The following DNAH14 variants were observed in gnomAD, a reference collection of about 807,000 sequenced individuals.
The protein encoded by DNAH14 is axonemal beta dynein heavy chain 14.
In DNAH14, 478 loss-of-function variants were observed where a neutral mutation model predicts 520.9. The observed-to-expected ratio is 0.92, with a 90% confidence interval of 0.85 to 0.99. The LOEUF (loss-of-function observed/expected upper bound fraction) is 0.99. Ranked by LOEUF, DNAH14 falls within the 50% of genes least tolerant of loss-of-function variation. The pLI is 0.00. For synonymous variants in DNAH14, 1,581 were observed against 1,757.2 expected (o/e 0.90, Z 2.51); for missense variants, 4,831 against 5,234.5 (o/e 0.92, Z 2.38).
intron 17 of DNAH14, among the ~76,000 whole-genome samples, chr1:225,059,019 A>G (rs2148389820): frequency 6.6e-6 from 1 of 152,184 alleles, no homozygotes; most frequent in East Asian, 1.9e-4. Flanking sequence ...TGAGGTGGAG[A>G]GTTCTGTAGA....
intron 27 of DNAH14, among the ~76,000 whole-genome samples, chr1:225,137,340 T>G (rs1186296409): frequency 1.3e-5 from 2 of 151,878 alleles, no homozygotes; most frequent in Non-Finnish European, 2.9e-5. Context: ...TTGTTGATGT[T>G]GTTGTTGTTT....
At chr1:225,373,431 C>T (rs941066629) in intron 77 of DNAH14, among the ~76,000 whole-genome samples, 1 of 150,186 alleles carries the variant, frequency 6.7e-6, no homozygotes, top group Non-Finnish European at 1.5e-5. Flanking sequence ...CGCCACTGCA[C>T]TCCAGCTGGG....
intron 54 of DNAH14, among the ~76,000 whole-genome samples, chr1:225,282,498 A>G (rs1413593736): frequency 3.9e-5 from 6 of 152,254 alleles, no homozygotes; most frequent in African/African-American, 4.8e-5. Flanking sequence ...CGAGGCAAGT[A>G]TTCAATGTTA....
intron 8 of DNAH14, among the ~76,000 whole-genome samples, chr1:224,990,813 G>A (rs554640793): frequency 6.6e-6 from 1 of 152,250 alleles, no homozygotes; most frequent in East Asian, 1.9e-4. Flanking sequence ...TAAATATTTA[G>A]AAGTGGGATT....
chr1:225,087,121 C>T (rs2073908006), intron 21 of DNAH14, among the ~76,000 whole-genome samples: 1 of 152,102 alleles, frequency 6.6e-6, no homozygotes, highest in Non-Finnish European at 1.5e-5. Context: ...AACAATACCA[C>T]ACACTGGATG....
At chr1:225,101,460 C>T (rs2075448202) in intron 23 of DNAH14, among the ~76,000 whole-genome samples, 1 of 152,072 alleles carries the variant, frequency 6.6e-6, no homozygotes, top group Admixed American at 6.6e-5. Context: ...CTTATTCATT[C>T]TGTTTTTTGT....
chr1:225,335,294 T>C (rs767397627), intron 66 of DNAH14, among the ~76,000 whole-genome samples: 4,036 of 104,880 alleles, frequency 0.038, 453 homozygotes, highest in East Asian at 0.098. Flanking sequence ...TATGCACATA[T>C]ACACATGTGT....
intron 27 of DNAH14, among the ~76,000 whole-genome samples, chr1:225,123,902 A>G (rs942658460): frequency 2.6e-5 from 4 of 151,922 alleles, no homozygotes; most frequent in African/African-American, 9.7e-5. Flanking sequence ...ACAGGTGTGC[A>G]CCACCATGCC....
chr1:225,192,167 C>G (rs1294900623), intron 37 of DNAH14, among the ~76,000 whole-genome samples: 2 of 152,074 alleles, frequency 1.3e-5, no homozygotes, highest in African/African-American at 4.8e-5. Context: ...CTTATATGGT[C>G]TGTCATATGT....
chr1:225,216,550 G>A (rs2089359645), intron 41 of DNAH14, among the ~76,000 whole-genome samples: 1 of 152,128 alleles, frequency 6.6e-6, no homozygotes, highest in Non-Finnish European at 1.5e-5. Flanking sequence ...CGTAGATTTG[G>A]TCTTTTCACA....
At chr1:225,162,984 A>T (rs2081664730) in intron 35 of DNAH14, among the ~76,000 whole-genome samples, 1 of 151,894 alleles carries the variant, frequency 6.6e-6, no homozygotes, top group Non-Finnish European at 1.5e-5. Context: ...TAAAAATACA[A>T]AAAATTAGCG....
At chr1:225,187,544 G>GTTTAGC (rs2084907821) in intron 37 of DNAH14, among the ~76,000 whole-genome samples, 1 of 151,776 alleles carries the variant, frequency 6.6e-6, no homozygotes, top group African/African-American at 2.4e-5. Flanking sequence ...GTAATTCTGT[G>GTTTAGC]TTTAGCTTTT....
At chr1:225,008,286 G>A (rs113768582) in intron 10 of DNAH14, among the ~76,000 whole-genome samples, 8,375 of 152,106 alleles carry the variant, frequency 0.055, 474 homozygotes, top group East Asian at 0.24. Flanking sequence ...AGTATTCCAT[G>A]GTGTATATGT....
rs756877482 is a variant in DNAH14, at chr1:225,374,702, G to T, written c.12333G>T (p.Val4111=). The change falls in exon 78 of 86, where the codon GTG becomes GTT. Residue 4111 remains valine, a synonymous_variant. Coordinates refer to ENST00000682510, the MANE Select transcript of DNAH14 (RefSeq NM_001367479.1). ...GTTTTCCAAAGGTTGCCATTAAGGT[G>T]TTGGAAAATTCCCTGAGAGGACAGC... ...NSSDLGVAIK[V]LENSLRGQPS... is the part of the protein sequence containing the mutation. 7.7e-6 allele frequency: 12 copies of T among 1,548,798 alleles called. No individual in the cohort carries two copies. In the South Asian group the frequency reaches 1.2e-4, roughly 15 times the overall value.
intron 1 of DNAH14, among the ~76,000 whole-genome samples, chr1:224,932,826 A>G (rs1260533915): frequency 1.3e-5 from 2 of 152,100 alleles, no homozygotes. Flanking sequence ...AGTTTGGGTT[A>G]TTATAGCTTT....
chr1:225,080,358 A>C, intron 18 of DNAH14, 21 bp from the exon 19 acceptor site: 1 of 1,494,618 alleles, frequency 6.7e-7, no homozygotes, highest in Non-Finnish European at 8.9e-7. Context: ...TCTCTTAGAA[A>C]GTCCTACTCT....
At chr1:225,181,004 A>C (rs551625957) in intron 36 of DNAH14, among the ~76,000 whole-genome samples, 3 of 151,892 alleles carry the variant, frequency 2.0e-5, no homozygotes, top group African/African-American at 7.3e-5. Flanking sequence ...GGAGTCCCCA[A>C]TGTCTGTTGT....
chr1:225,076,944 A>G (rs1459342429), intron 17 of DNAH14, among the ~76,000 whole-genome samples: 1 of 151,868 alleles, frequency 6.6e-6, no homozygotes, highest in African/African-American at 2.4e-5. Context: ...TCCCTCCCCC[A>G]GCCCCCAACA....
chr1:225,138,008 G>T (rs2079107573), intron 27 of DNAH14, among the ~76,000 whole-genome samples: 2 of 152,164 alleles, frequency 1.3e-5, no homozygotes, highest in African/African-American at 4.8e-5. Flanking sequence ...AAGCAGTCTG[G>T]CCATGATCTG....
Sources: gnomAD v4.1 joint callset for allele counts (sites outside exome capture counted in the v4.1 genomes callset) on GRCh38, gnomAD v4.1.1 for gene constraint, MANE v1.5 for transcripts, NCBI Gene and HGNC (gene_info 2026-07-23, HGNC 2026-07-21) for gene names.